STIM1: variants seen among roughly 807,000 people sequenced by gnomAD.
The protein encoded by STIM1 is stromal interaction molecule 1.
In STIM1, 25 loss-of-function variants were observed where a neutral mutation model predicts 74.7. The ratio of observed to expected loss-of-function variants is 0.33; its 90% CI spans 0.24 to 0.47. The LOEUF is 0.47. STIM1 is among the 20% of genes least tolerant of loss of function. STIM1 has a pLI of 1.00. For synonymous variants in STIM1, 328 were observed against 348.8 expected, an observed-to-expected ratio of 0.94 and a Z score of 0.66; for missense variants, 728 against 920.8, an observed-to-expected ratio of 0.79 and a Z score of 2.71.
At chr11:4,059,257 A>T (rs1419064786) in intron 4 of STIM1, 24 bp from the exon 5 acceptor site, 1 of 1,600,420 alleles carries the variant, frequency 6.2e-7, no homozygotes, top group Admixed American at 1.7e-5. Context: ...GAGGGAACTG[A>T]TCTGCTACTC....
intron 2 of STIM1, among the ~76,000 whole-genome samples, chr11:3,996,862 A>T (rs896938842): frequency 6.6e-6 from 1 of 152,194 alleles, no homozygotes; most frequent in East Asian, 1.9e-4. Flanking sequence ...GTTCTTTCTC[A>T]TAGTGCATTT....
intron 2 of STIM1, among the ~76,000 whole-genome samples, chr11:3,999,101 T>G (rs2093688372): frequency 6.6e-6 from 1 of 152,218 alleles, no homozygotes; most frequent in African/African-American, 2.4e-5. Flanking sequence ...ATCCCATCAC[T>G]TTGGGAAGCC....
intron 1 of STIM1, among the ~76,000 whole-genome samples, chr11:3,923,095 G>A (rs1466076517): frequency 1.2e-4 from 13 of 106,356 alleles, no homozygotes; most frequent in African/African-American, 4.2e-4. Context: ...GCGAGACTCC[G>A]TCTCAAAAAA....
At chr11:4,051,329 C>T (rs1303490634) in intron 3 of STIM1, among the ~76,000 whole-genome samples, 1 of 150,098 alleles carries the variant, frequency 6.7e-6, no homozygotes, top group African/African-American at 2.4e-5. Flanking sequence ...AATCAAAACA[C>T]TTTAATGGTA....
intron 3 of STIM1, among the ~76,000 whole-genome samples, chr11:4,028,271 G>A (rs1381716071): frequency 6.6e-6 from 1 of 151,920 alleles, no homozygotes; most frequent in African/African-American, 2.4e-5. Flanking sequence ...TAACGGAGAT[G>A]GGGTTTTACC....
At chr11:3,872,523 C>CTTTTTT (rs574634847) in intron 1 of STIM1, among the ~76,000 whole-genome samples, 1 of 129,364 alleles carries the variant, frequency 7.7e-6, no homozygotes, top group Non-Finnish European at 1.6e-5. Flanking sequence ...TTCTTTTTTT[C>CTTTTTT]TTTTTTTTTT....
chr11:4,013,690 CTTTTTTTTTTTTTT>C (rs1169600270), intron 2 of STIM1, among the ~76,000 whole-genome samples: 20 of 51,926 alleles, frequency 3.9e-4, no homozygotes, highest in African/African-American at 1.1e-3. Context: ...TCATTGATTT[CTTTTTTTTTTTTTT>C]TTTTTTTTTT....
intron 1 of STIM1, among the ~76,000 whole-genome samples, chr11:3,931,333 G>A (rs2092857162): frequency 6.6e-6 from 1 of 152,152 alleles, no homozygotes; most frequent in East Asian, 1.9e-4. Context: ...CAACTGCTGG[G>A]TTATATCATG....
intron 2 of STIM1, among the ~76,000 whole-genome samples, chr11:4,001,148 T>C (rs930931038): frequency 6.6e-6 from 1 of 152,154 alleles, no homozygotes; most frequent in Non-Finnish European, 1.5e-5. Context: ...TGGAACCAAG[T>C]TGGAAAACAC....
intron 1 of STIM1, among the ~76,000 whole-genome samples, chr11:3,935,346 C>G (rs1342537219): frequency 6.6e-6 from 1 of 152,216 alleles, no homozygotes; most frequent in Non-Finnish European, 1.5e-5. Flanking sequence ...GGTCTTCCAA[C>G]TCCCTGCAAG....
chr11:3,931,710 A>T (rs1198869220), intron 1 of STIM1, among the ~76,000 whole-genome samples: 1 of 152,112 alleles, frequency 6.6e-6, no homozygotes. Context: ...ATGTGATGGT[A>T]TTAGGAGGTT....
chr11:3,892,741 C>T lies in STIM1; in HGVS notation c.139+36332C>T. Reference sequence around the variant, plus strand: ...GAATAATTCTGTGAAAGCAGGAACCCTTATAACCAAATCCTTTCTCTCCAG... The same window carrying T: ...GAATAATTCTGTGAAAGCAGGAACCTTTATAACCAAATCCTTTCTCTCCAG... On this transcript the variant is annotated intron_variant, in intron 1 of 12. Transcript: ENST00000526596. 7 of 1,613,234 alleles carry T rather than the reference C, an allele frequency of 4.3e-6. No individual in the cohort carries two copies. The East Asian group carries it at 1.1e-4, about 26-fold the overall frequency.
At chr11:3,946,142 C>T (rs374157915) in intron 1 of STIM1, among the ~76,000 whole-genome samples, 11 of 152,070 alleles carry the variant, frequency 7.2e-5, no homozygotes, top group African/African-American at 1.9e-4. Context: ...GAACAGCAGG[C>T]GCTGGATAGG....
In STIM1 at chr11:4,086,533, G is replaced by A. The variant is rs771891852; in HGVS notation, c.1624G>A (p.Gly542Arg). 3.1e-5 allele frequency: 50 copies of A among 1,614,056 alleles called. No homozygotes were observed. Among genetic ancestry groups the A allele is most frequent in the Non-Finnish European group, 4.2e-5 (50 of 1,180,030 alleles). The change falls in exon 12 of 13, where the codon GGA (glycine) becomes AGA (arginine). Residue 542 changes from glycine (G) to arginine (R), a missense_variant. Physicochemically the swap from Gly to Arg is moderately radical, Grantham distance 125. Coordinates refer to ENST00000526596, the MANE Select transcript of STIM1 (RefSeq NM_001382567.1). ...CCTGACGGAGCCACAGCATGGCCTG[G>A]GATCTCAGAGGTTGGTAGAGGGCGA... ...QRLTEPQHGL[G>R]SQRDLTHSDS... is the part of the protein sequence containing the mutation.
At chr11:4,018,267 G>T (rs893529357) in intron 2 of STIM1, among the ~76,000 whole-genome samples, 1 of 150,312 alleles carries the variant, frequency 6.7e-6, no homozygotes, top group Non-Finnish European at 1.5e-5. Flanking sequence ...GGCTAACAAG[G>T]TGAAACCCCG....
At chr11:4,090,839 G>A (rs1174238067) in intron 12 of STIM1, among the ~76,000 whole-genome samples, 1 of 152,200 alleles carries the variant, frequency 6.6e-6, no homozygotes, top group Non-Finnish European at 1.5e-5. Flanking sequence ...CACCACTGGT[G>A]GGGCCCAGGT....
At chr11:3,977,822 G>A (rs1024907832) in intron 2 of STIM1, among the ~76,000 whole-genome samples, 1 of 151,988 alleles carries the variant, frequency 6.6e-6, no homozygotes, top group Non-Finnish European at 1.5e-5. Flanking sequence ...AAAGCCCCTA[G>A]CACAATGCCT....
At chr11:4,048,890 C>T (rs565310966) in intron 3 of STIM1, among the ~76,000 whole-genome samples, 11 of 152,182 alleles carry the variant, frequency 7.2e-5, no homozygotes, top group East Asian at 1.9e-4. Flanking sequence ...CCCGCCACCA[C>T]GCCCAGTTAA....
chr11:3,856,504 G>C (rs879045700), intron 1 of STIM1, 95 bp downstream of exon 1: 1 of 1,439,244 alleles, frequency 6.9e-7, no homozygotes, highest in South Asian at 1.3e-5. Context: ...TTGTACATGT[G>C]AGGTTCATGG....
Sources: gnomAD v4.1 joint callset for allele counts (sites outside exome capture counted in the v4.1 genomes callset) on GRCh38, gnomAD v4.1.1 for gene constraint, MANE v1.5 for transcripts, NCBI Gene and HGNC (gene_info 2026-07-23, HGNC 2026-07-21) for gene names.